The following TP63 variants were observed in gnomAD, a reference collection of about 807,000 sequenced individuals.
TP63 encodes tumor protein p63.
TP63 carries 17 observed loss-of-function variants against 82.8 expected under a neutral mutation model. The ratio of observed to expected loss-of-function variants is 0.21; its 90% CI spans 0.14 to 0.31. TP63 has a LOEUF of 0.31. Ranked by LOEUF, TP63 falls within the 10% of genes least tolerant of loss-of-function variation. The pLI, the probability that TP63 is intolerant of heterozygous loss-of-function variation, is 1.00. For missense variants in TP63, 648 were observed against 895.3 expected (o/e 0.72, Z 3.52); for synonymous variants, 330 against 321.7 (o/e 1.03, Z -0.28).
At chr3:189,694,450 C>T (rs1245215728) in intron 1 of TP63, among the ~76,000 whole-genome samples, 1 of 152,124 alleles carries the variant, frequency 6.6e-6, no homozygotes, top group Non-Finnish European at 1.5e-5. Flanking sequence ...TTAGGTTCCC[C>T]TTGGCTGTGA....
chr3:189,868,932 T>C (rs957075329), intron 8 of TP63, among the ~76,000 whole-genome samples: 1 of 152,178 alleles, frequency 6.6e-6, no homozygotes, highest in Non-Finnish European at 1.5e-5. Flanking sequence ...TGACAATTTC[T>C]CAGTCCAGGG....
intron 4 of TP63, among the ~76,000 whole-genome samples, chr3:189,834,888 C>CTTTTTTTTTT (rs10641824): frequency 7.2e-6 from 1 of 138,750 alleles, no homozygotes; most frequent in Non-Finnish European, 1.5e-5. Flanking sequence ...GGTTTTTTTC[C>CTTTTTTTTTT]TTTTTTTTTT....
intron 1 of TP63, among the ~76,000 whole-genome samples, chr3:189,708,774 T>TA (rs1229688015): frequency 2.6e-5 from 4 of 151,998 alleles, no homozygotes; most frequent in East Asian, 1.9e-4. Context: ...CCTAAACTGC[T>TA]AAAAAAAATA....
intron 10 of TP63, chr3:189,880,251 G>A (rs1577183032): frequency 1.3e-6 from 2 of 1,510,356 alleles, no homozygotes; most frequent in East Asian, 4.6e-5. Flanking sequence ...GTGTGTATGT[G>A]TGTGCGTGTG....
chr3:189,851,308 C>T (rs1490330638), intron 4 of TP63, among the ~76,000 whole-genome samples: 6 of 152,136 alleles, frequency 3.9e-5, no homozygotes, highest in Non-Finnish European at 8.8e-5. Context: ...CTCGTAATCC[C>T]AGCACTTTGG....
chr3:189,793,231 A>G (rs930105982), intron 3 of TP63, among the ~76,000 whole-genome samples: 13 of 152,062 alleles, frequency 8.5e-5, no homozygotes, highest in African/African-American at 3.1e-4. Context: ...GGAAAAAAAA[A>G]GATTTTGAGA....
chr3:189,701,899 T>C (rs1717840698), intron 1 of TP63, among the ~76,000 whole-genome samples: 1 of 152,186 alleles, frequency 6.6e-6, no homozygotes, highest in Non-Finnish European at 1.5e-5. Flanking sequence ...GTTTCTAATC[T>C]TTTCTTTCTT....
intron 1 of TP63, among the ~76,000 whole-genome samples, chr3:189,735,580 C>G (rs1720519826): frequency 6.6e-6 from 1 of 152,122 alleles, no homozygotes; most frequent in South Asian, 2.1e-4. Flanking sequence ...TCTGATTTAG[C>G]CTTTTTACTA....
At chr3:189,640,204 T>A (rs577040932) in intron 1 of TP63, among the ~76,000 whole-genome samples, 3 of 152,046 alleles carry the variant, frequency 2.0e-5, no homozygotes, top group South Asian at 4.1e-4. Context: ...ATAAAAAAAA[T>A]TTTCATAAGA....
intron 1 of TP63, among the ~76,000 whole-genome samples, chr3:189,644,209 C>T (rs1166161423): frequency 1.3e-5 from 2 of 151,506 alleles, no homozygotes; most frequent in African/African-American, 4.9e-5. Flanking sequence ...CCACTATCTC[C>T]TCTCTCATAC....
intron 1 of TP63, among the ~76,000 whole-genome samples, chr3:189,707,210 T>G (rs1331826322): frequency 6.6e-6 from 1 of 152,212 alleles, no homozygotes; most frequent in Non-Finnish European, 1.5e-5. Flanking sequence ...ACATTTCTAT[T>G]TTTCTGTTCC....
chr3:189,759,458 T>C (rs577458357), intron 3 of TP63, among the ~76,000 whole-genome samples: 13 of 152,204 alleles, frequency 8.5e-5, no homozygotes, highest in Non-Finnish European at 1.3e-4. Context: ...TGAGTGACCA[T>C]GGCCCTCAAA....
intron 3 of TP63, among the ~76,000 whole-genome samples, chr3:189,757,027 G>C (rs1199513723): frequency 6.6e-6 from 1 of 152,184 alleles, no homozygotes; most frequent in Non-Finnish European, 1.5e-5. Flanking sequence ...TTAGTCATCT[G>C]TCCTTTCCTT....
chr3:189,866,789 C>T lies in TP63; in HGVS notation c.874C>T (p.Pro292Ser), dbSNP rs749041260. Residue 292 changes from proline to serine, a missense_variant, in exon 6 of 14, where the codon CCA (proline) becomes TCA (serine). Transcript: ENST00000264731. ...GRQSVLVPYEPPQVGTEFTTV... is the reference protein window; with the variant it reads ...GRQSVLVPYESPQVGTEFTTV... ...ACAGAGTGTGCTGGTACCTTATGAG[C>T]CACCCCAGGTAAAAAGCAAAAAACC... 6.2e-7 allele frequency: 1 copy of T among 1,613,978 alleles called. No individual in the cohort carries two copies. Among genetic ancestry groups the T allele is most frequent in the East Asian group, 2.2e-5 (1 of 44,864 alleles).
intron 3 of TP63, among the ~76,000 whole-genome samples, chr3:189,778,294 C>T (rs1232872010): frequency 1.3e-5 from 2 of 152,204 alleles, no homozygotes; most frequent in Non-Finnish European, 2.9e-5. Flanking sequence ...AACTGATGGC[C>T]TCTAACACAC....
At chr3:189,842,798 G>A (rs773540383) in intron 4 of TP63, among the ~76,000 whole-genome samples, 17 of 152,126 alleles carry the variant, frequency 1.1e-4, no homozygotes, top group Non-Finnish European at 1.9e-4. Flanking sequence ...CGTGACTTTA[G>A]GAAACATGTA....
intron 1 of TP63, among the ~76,000 whole-genome samples, chr3:189,652,441 G>T (rs1712974941): frequency 6.8e-6 from 1 of 147,138 alleles, no homozygotes; most frequent in African/African-American, 2.5e-5. Flanking sequence ...TTTACCCAAT[G>T]CCTGTACCCT....
intron 1 of TP63, among the ~76,000 whole-genome samples, chr3:189,695,500 A>C (rs954803016): frequency 6.6e-6 from 1 of 152,194 alleles, no homozygotes; most frequent in Non-Finnish European, 1.5e-5. Flanking sequence ...TTAGAAACCA[A>C]GAACTGGGCA....
chr3:189,749,108 G>T (rs1721603001), intron 3 of TP63, among the ~76,000 whole-genome samples: 1 of 151,938 alleles, frequency 6.6e-6, no homozygotes, highest in South Asian at 2.1e-4. Context: ...CAGAACATTG[G>T]TCTAGGCAGA....
Sources: gnomAD v4.1 joint callset for allele counts (sites outside exome capture counted in the v4.1 genomes callset) on GRCh38, gnomAD v4.1.1 for gene constraint, MANE v1.5 for transcripts, NCBI Gene and HGNC (gene_info 2026-07-23, HGNC 2026-07-21) for gene names.